Variants in FOXN4 observed in about 807,000 individuals in gnomAD.
FOXN4 encodes the protein forkhead box protein N4.
FOXN4 carries 12 observed loss-of-function variants against 45.0 expected under a neutral mutation model. The ratio of observed to expected loss-of-function variants is 0.27; its 90% CI spans 0.17 to 0.43. The LOEUF (loss-of-function observed/expected upper bound fraction) is 0.43, where lower values mean the gene tolerates loss of function less well. Among genes scored for constraint, FOXN4 ranks in the 20% least tolerant of loss-of-function variants. FOXN4 has a pLI of 1.00. For synonymous variants in FOXN4, 297 were observed against 295.0 expected (o/e 1.01, Z -0.07); for missense variants, 560 against 694.9 (o/e 0.81, Z 2.18).
chr12:109,298,332 T>C (rs1013162273), intron 2 of FOXN4, among the ~76,000 whole-genome samples: 1 of 108,262 alleles, frequency 9.2e-6, no homozygotes, highest in African/African-American at 3.7e-5. Context: ...TTGTTTCAGG[T>C]TTTTTTTTTT....
intron 2 of FOXN4, among the ~76,000 whole-genome samples, chr12:109,303,995 AG>A (rs1169062574): frequency 1.3e-5 from 2 of 152,044 alleles, no homozygotes; most frequent in East Asian, 3.9e-4. Flanking sequence ...GTTGAAGACC[AG>A]CCTGGACAAT....
At chr12:109,286,600 G>C in intron 7 of FOXN4, 48 bp downstream of exon 7, 2 of 1,555,844 alleles carry the variant, frequency 1.3e-6, no homozygotes, top group African/African-American at 2.7e-5. Context: ...GCAGCACCAG[G>C]AAGAGACCAG....
chr12:109,296,159 G>A (rs1007221250), intron 2 of FOXN4, among the ~76,000 whole-genome samples: 9 of 152,228 alleles, frequency 5.9e-5, no homozygotes, highest in Admixed American at 5.9e-4. Flanking sequence ...GGGTCGCCCA[G>A]AGGCACTGAG....
chr12:109,285,652 G>A (rs1275296571), intron 7 of FOXN4, 141 bp from the exon 8 acceptor site: 1 of 854,324 alleles, frequency 1.2e-6, no homozygotes, highest in African/African-American at 1.7e-5. Context: ...CCTCAAGTTG[G>A]AGAGACAAGA....
rs2047832342 is a variant in FOXN4 at position 109,297,907 on chromosome 12, G to A, written c.87-7621C>T. Among the ~76,000 whole-genome samples, 3 of 152,124 alleles carry A rather than the reference G, an allele frequency of 2.0e-5. No individual in the cohort carries two copies. In the South Asian group the frequency reaches 6.2e-4, roughly 32 times the overall value. On this transcript the variant is annotated intron_variant, in intron 2 of 9. Coordinates refer to ENST00000299162, the MANE Select transcript of FOXN4 (RefSeq NM_213596.3). ...CCTTGGCCCATCAGCCACGTTTGAA[G>A]TGCTGAATGGTCACACATGGCCAGT... is the stretch of plus-strand genomic sequence containing the variant.
At position 109,287,445 on chromosome 12, in the gene FOXN4, G is replaced by A. The variant is rs1322260384; in HGVS notation, c.548C>T (p.Ser183Phe). 1.9e-6 allele frequency: 3 copies of A among 1,551,622 alleles called. No individual in the cohort carries two copies. Among genetic ancestry groups the A allele is most frequent in the East Asian group, 2.4e-5 (1 of 40,910 alleles). ...GTAGTGTTTGGGGTGCAGTTCTTGA[G>A]ATGAATGCACAGCCACGTGGGGCTG... ...YPQPHVAVHS[S>F]QELHPKHYPK... The change falls in exon 6 of 10, where the codon TCT (serine) becomes TTT (phenylalanine). Residue 183 changes from serine (S) to phenylalanine (F), a missense_variant. By Grantham distance (155) the Ser-to-Phe change is radical. Coordinates refer to ENST00000299162, the MANE Select transcript of FOXN4 (RefSeq NM_213596.3). The surrounding 1 kb of genome is among the most constrained non-coding windows in gnomAD (Gnocchi z 4.1).
Position 109,280,500 on chromosome 12 carries a change from C to T in FOXN4, c.1295-570G>A, listed in dbSNP as rs530676248. 2.6e-5 allele frequency among the ~76,000 whole-genome samples: 4 copies of T among 152,240 alleles called. No individual in the cohort carries two copies. The South Asian group carries it at 6.2e-4, about 24-fold the overall frequency. ...GTGAACCCAGCTCCTAAGGCTGTGG[C>T]ACGGGTTAAACAAGAGGACTTGTGA... On this transcript the variant is annotated intron_variant, in intron 9 of 9. Transcript: ENST00000299162.
At chr12:109,307,668 GT>G (rs2047933644) in intron 2 of FOXN4, among the ~76,000 whole-genome samples, 1 of 152,274 alleles carries the variant, frequency 6.6e-6, no homozygotes, top group South Asian at 2.1e-4. Context: ...CAAGGCCTCA[GT>G]TTCCATCTAA....
intron 2 of FOXN4, among the ~76,000 whole-genome samples, chr12:109,302,819 C>T (rs1480511252): frequency 3.3e-5 from 5 of 152,186 alleles, no homozygotes; most frequent in East Asian, 1.9e-4. Flanking sequence ...AACAAGGTTT[C>T]GCCTGCCTTC....
At chr12:109,297,548 G>T (rs1411508683) in intron 2 of FOXN4, among the ~76,000 whole-genome samples, 1 of 152,134 alleles carries the variant, frequency 6.6e-6, no homozygotes, top group Non-Finnish European at 1.5e-5. Context: ...ATGTTGGCCT[G>T]GCTGGCCTTG....
At chr12:109,284,397 A>T (rs2047681507) in intron 8 of FOXN4, among the ~76,000 whole-genome samples, 1 of 152,162 alleles carries the variant, frequency 6.6e-6, no homozygotes, top group African/African-American at 2.4e-5. Context: ...GCATAGGCAG[A>T]GCTGGGGCTG....
At chr12:109,294,028 T>G (rs557087293) in intron 2 of FOXN4, among the ~76,000 whole-genome samples, 1 of 152,198 alleles carries the variant, frequency 6.6e-6, no homozygotes, top group Admixed American at 6.5e-5. Context: ...CCCGGGTCTG[T>G]CTGCCTCCCT....
Position 109,290,342 on chromosome 12 carries a change from G to A in FOXN4, c.87-56C>T. The stretch of plus-strand genomic sequence containing the variant: ...AGGGGGAGCTTAGGCCAGCTCCTGG[G>A]GGTGCGTCCCGACCTCTGGAAGCAC... On this transcript the variant is annotated intron_variant, in intron 2 of 9. Coordinates refer to ENST00000299162, the MANE Select transcript of FOXN4 (RefSeq NM_213596.3). The surrounding 1 kb of genome is among the most constrained non-coding windows in gnomAD (Gnocchi z 5.1). 6.7e-7 allele frequency: 1 copy of A among 1,489,414 alleles called. No homozygotes were observed. 92.3% of individuals were successfully genotyped at this position (1,489,414 alleles called of 1,614,324 possible). A position where few individuals can be genotyped will look rare whatever the true frequency, so the allele number is the denominator to read the frequency against.
rs371274812 is a variant in FOXN4 at position 109,282,461 on chromosome 12, T to C, written c.902-662A>G. Among the ~76,000 whole-genome samples, 5 of 151,932 alleles carry C rather than the reference T, an allele frequency of 3.3e-5. No individual in the cohort carries two copies. The South Asian group carries it at 6.3e-4, about 19-fold the overall frequency. On this transcript the variant is annotated intron_variant, in intron 8 of 9. Transcript: ENST00000299162. Reference sequence around the variant, plus strand: ...AGACCCTGCCTTTAAAAAAAAAATGTCATCAGATAATAACACTAGCCCCTT... The same window carrying C: ...AGACCCTGCCTTTAAAAAAAAAATGCCATCAGATAATAACACTAGCCCCTT...
rs914938081 is a variant in FOXN4, at chr12:109,288,565, A to C, written c.233-385T>G. 2.0e-4 allele frequency among the ~76,000 whole-genome samples: 31 copies of C among 152,176 alleles called. 1 individual carries two copies. Among genetic ancestry groups the C allele is most frequent in the Non-Finnish European group, 8.8e-5 (6 of 68,028 alleles). ...CTTCATGAAGCTAAAACACCAATTC[A>C]CGGTTCATTTCTTTTCCTCAAAAAC... On this transcript the variant is annotated intron_variant, in intron 3 of 9. Transcript: ENST00000299162. The surrounding 1 kb of genome is among the most constrained non-coding windows in gnomAD (Gnocchi z 4.3).
intron 9 of FOXN4, 60 bp downstream of exon 9, chr12:109,281,347 T>G: frequency 6.3e-7 from 1 of 1,588,824 alleles, no homozygotes; most frequent in South Asian, 1.2e-5. Context: ...TCACTCCCTT[T>G]GGCCCCCGGG....
At chr12:109,306,105 C>T (rs1400869680) in intron 2 of FOXN4, among the ~76,000 whole-genome samples, 1 of 152,106 alleles carries the variant, frequency 6.6e-6, no homozygotes, top group Non-Finnish European at 1.5e-5. Context: ...TTCAGGGTTT[C>T]TCCCACCCTC....
Position 109,285,504 on chromosome 12 carries a change from G to C in FOXN4, c.701C>G (p.Pro234Arg). The C allele has an allele frequency of 6.2e-7, 1 of 1,613,968 alleles. No individual in the cohort carries two copies. Among genetic ancestry groups the C allele is most frequent in the Non-Finnish European group, 8.5e-7 (1 of 1,179,918 alleles). Residue 234 changes from proline to arginine, a missense_variant, in exon 8 of 10, where the codon CCC becomes CGC. Pro to Arg is a moderately radical substitution (Grantham distance 103). This residue lies in a region of FOXN4 where 39 missense variants were observed against 81.7 expected (regional missense o/e 0.48). Transcript: ENST00000299162. ...KEHFPYFKTA[P>R]DGWKNSVRHN... ...CCGCACCGAGTTCTTCCACCCGTCG[G>C]GGGCCGTCTATGAAGACACATGGGC... is the stretch of plus-strand genomic sequence containing the variant.
chr12:109,307,949 T>C (rs558203851), intron 2 of FOXN4, among the ~76,000 whole-genome samples: 10 of 152,264 alleles, frequency 6.6e-5, no homozygotes, highest in Non-Finnish European at 1.0e-4. Context: ...GTAGCTGCTA[T>C]TGTCATCTTA....
Sources: gnomAD v4.1 joint callset for allele counts (sites outside exome capture counted in the v4.1 genomes callset) on GRCh38, gnomAD v4.1.1 for gene constraint, gnomAD v4.1.1 regional missense constraint, Gnocchi (gnomAD v3.1) non-coding constraint, MANE v1.5 for transcripts, NCBI Gene and HGNC (gene_info 2026-07-23, HGNC 2026-07-21) for gene names.